Variants in TSNAX observed in about 807,000 individuals in gnomAD.
The protein encoded by TSNAX is translin-associated protein X.
A neutral mutation model predicts 33.0 loss-of-function variants in TSNAX; 12 were observed. The ratio of observed to expected loss-of-function variants is 0.36; its 90% confidence interval spans 0.23 to 0.59. The LOEUF (loss-of-function observed/expected upper bound fraction) is 0.59. TSNAX is among the 20% of genes least tolerant of loss of function. TSNAX has a pLI of 0.74. For synonymous variants in TSNAX, 110 were observed against 117.2 expected (o/e 0.94, Z 0.40); for missense variants, 267 against 341.3 (o/e 0.78, Z 1.72).
rs1491140441 is a variant in TSNAX at position 231,560,404 on chromosome 1, T to TCCCCCC, written c.368-723_368-722insCCCCCC. On this transcript the variant is annotated intron_variant, in intron 4 of 5. Coordinates refer to ENST00000366639, the MANE Select transcript of TSNAX (RefSeq NM_005999.3). ...AAAATTATGGAATAGGCTTTTCTTT[T>TCCCCCC]CTCCCCCCCCCCCCTTTTTTTTTTT... is the stretch of plus-strand genomic sequence containing the variant. Among the ~76,000 whole-genome samples the TCCCCCC allele has an allele frequency of 9.1e-5, 7 of 76,966 alleles. 1 individual carries two copies. The highest frequency in any genetic ancestry group is 3.8e-4 in the African/African-American group (7 of 18,372). The allele number at this position is 76,966 out of a possible 152,430, so 50.5% of individuals were successfully genotyped here.
chr1:231,543,441 T>C (rs1052385605), intron 4 of TSNAX, among the ~76,000 whole-genome samples: 5 of 152,168 alleles, frequency 3.3e-5, no homozygotes, highest in Admixed American at 2.6e-4. Context: ...GAACCTGAAA[T>C]GCTCCAATGA....
At chr1:231,560,400 CTTT>C (rs1241478198) in intron 4 of TSNAX, among the ~76,000 whole-genome samples, 1 of 78,424 alleles carries the variant, frequency 1.3e-5, no homozygotes, top group Non-Finnish European at 2.6e-5. Flanking sequence ...ATAGGCTTTT[CTTT>C]TCTCCCCCCC....
intron 3 of TSNAX, among the ~76,000 whole-genome samples, chr1:231,538,987 A>G: frequency 6.6e-6 from 1 of 151,904 alleles, no homozygotes; most frequent in Non-Finnish European, 1.5e-5. Flanking sequence ...TGAAACTTTT[A>G]AGATAATTCT....
chr1:231,530,452 TG>T (rs1277075847), intron 2 of TSNAX, among the ~76,000 whole-genome samples: 3 of 151,994 alleles, frequency 2.0e-5, no homozygotes, highest in Non-Finnish European at 4.4e-5. Context: ...CCCAGCACTT[TG>T]GGAGGCCGAG....
At chr1:231,540,189 A>C (rs887232061) in intron 3 of TSNAX, among the ~76,000 whole-genome samples, 1 of 136,942 alleles carries the variant, frequency 7.3e-6, no homozygotes, top group African/African-American at 2.8e-5. Context: ...AAAAAAAAAA[A>C]AAAAAAAAAC....
intron 2 of TSNAX, among the ~76,000 whole-genome samples, chr1:231,533,719 T>C (rs1170207308): frequency 1.3e-5 from 2 of 151,896 alleles, no homozygotes; most frequent in Non-Finnish European, 2.9e-5. Flanking sequence ...ATTTTTAACA[T>C]TTTGCCACTT....
Position 231,547,468 on chromosome 1 carries a change from G to T in TSNAX, c.367+4857G>T, listed in dbSNP as rs577248183. ...TGCAGTGGCGTGATCTCGGCTCACT[G>T]CAAGCTCCGCCTCCTGGGTTCACGC... On this transcript the variant is annotated intron_variant, in intron 4 of 5. Transcript: ENST00000366639. Among the ~76,000 whole-genome samples, 19 of 136,808 alleles carry T rather than the reference G, an allele frequency of 1.4e-4. No homozygotes were observed. The East Asian group carries it at 3.8e-3, about 27-fold the overall frequency. 89.8% of individuals were successfully genotyped at this position (136,808 alleles called of 152,430 possible).
chr1:231,560,411 C>CCCG (rs1558137914), intron 4 of TSNAX, among the ~76,000 whole-genome samples: 4 of 91,880 alleles, frequency 4.4e-5, no homozygotes, highest in South Asian at 9.9e-4. Flanking sequence ...TTTTCTCCCC[C>CCCG]CCCCCCCTTT....
intron 2 of TSNAX, among the ~76,000 whole-genome samples, chr1:231,532,107 G>A (rs1287697848): frequency 1.7e-5 from 2 of 119,556 alleles, no homozygotes; most frequent in Non-Finnish European, 3.3e-5. Context: ...TGATGGATAC[G>A]TTAATTAGCT....
intron 4 of TSNAX, among the ~76,000 whole-genome samples, chr1:231,544,681 T>TA (rs1659793308): frequency 1.3e-5 from 2 of 152,202 alleles, no homozygotes; most frequent in Admixed American, 6.5e-5. Flanking sequence ...AGTATAAAGA[T>TA]AAAGAGTTTA....
At chr1:231,557,722 C>G (rs1013797493) in intron 4 of TSNAX, among the ~76,000 whole-genome samples, 10 of 152,168 alleles carry the variant, frequency 6.6e-5, no homozygotes, top group African/African-American at 2.4e-4. Context: ...TGTGAAGCTC[C>G]CAGCTGGTAC....
At chr1:231,560,615 G>C (rs572599967) in intron 4 of TSNAX, among the ~76,000 whole-genome samples, 10 of 149,758 alleles carry the variant, frequency 6.7e-5, no homozygotes, top group Non-Finnish European at 1.2e-4. Context: ...ATGGGGTTTC[G>C]CCATGTTGGC....
chr1:231,552,684 C>T (rs1200448703), intron 4 of TSNAX, among the ~76,000 whole-genome samples: 3 of 152,140 alleles, frequency 2.0e-5, no homozygotes, highest in Non-Finnish European at 4.4e-5. Context: ...CTGTCTAATA[C>T]CAGAACATTT....
Position 231,565,066 on chromosome 1 carries a change from AAATG to A in TSNAX, c.*165_*168del. ...ATACAAGCTGTACATAAAATTAGCC[AAATG>A]AATCATTTCTTATATCTTATTCATG... is the stretch of plus-strand genomic sequence containing the variant. On this transcript the variant is annotated 3_prime_UTR_variant, in exon 6 of 6. Transcript: ENST00000366639. The A allele has an allele frequency of 1.1e-6, 1 of 873,556 alleles. No individual in the cohort carries two copies. The highest frequency in any genetic ancestry group is 1.7e-6 in the Non-Finnish European group (1 of 595,624). The allele number at this position is 873,556 out of a possible 1,614,324, so 54.1% of individuals were successfully genotyped here.
At chr1:231,561,633 A>C (rs1023050459) in intron 5 of TSNAX, among the ~76,000 whole-genome samples, 10 of 152,156 alleles carry the variant, frequency 6.6e-5, no homozygotes, top group African/African-American at 2.2e-4. Flanking sequence ...ACTTTTAGAG[A>C]GGTTAAGTAA....
chr1:231,558,518 T>A (rs566162192), intron 4 of TSNAX, among the ~76,000 whole-genome samples: 4 of 152,328 alleles, frequency 2.6e-5, no homozygotes, highest in East Asian at 1.9e-4. Flanking sequence ...CTTTTAACTT[T>A]AAAAAATTTT....
chr1:231,529,464 C>T, intron 2 of TSNAX, 105 bp downstream of exon 2: 1 of 1,204,676 alleles, frequency 8.3e-7, no homozygotes, highest in Non-Finnish European at 1.2e-6. Flanking sequence ...GAAACTTTAG[C>T]TGGAGGTTTT....
rs373254783 is a variant in TSNAX at position 231,561,119 on chromosome 1, C to T, written c.368-9C>T. On this transcript the variant is annotated splice_polypyrimidine_tract_variant and intron_variant, in intron 4 of 5. Transcript: ENST00000366639. ...TTATTCTTAGTAATTTTCTTTGTCA[C>T]GCTTTCAGGACTACAGGAATATGTG... The T allele has an allele frequency of 1.6e-5, 26 of 1,602,572 alleles. No homozygotes were observed. In the East Asian group the frequency reaches 3.6e-4, roughly 22 times the overall value.
At chr1:231,557,108 G>A (rs565091010) in intron 4 of TSNAX, among the ~76,000 whole-genome samples, 2 of 152,044 alleles carry the variant, frequency 1.3e-5, no homozygotes, top group South Asian at 4.1e-4. Context: ...TTGGAAGGAA[G>A]GTAGTGAGTT....
Sources: allele counts gnomAD v4.1 joint callset (sites outside exome capture counted in the v4.1 genomes callset), GRCh38; gene constraint gnomAD v4.1.1; transcripts MANE v1.5; gene names NCBI Gene and HGNC (gene_info 2026-07-23, HGNC 2026-07-21).